The following TUSC3 variants were observed in gnomAD, a reference collection of about 807,000 sequenced individuals.
TUSC3 encodes dolichyl-diphosphooligosaccharide--protein glycosyltransferase subunit TUSC3.
TUSC3 carries 45 observed loss-of-function variants against 44.8 expected under a neutral mutation model. The observed-to-expected ratio is 1.00, with a 90% CI of 0.79 to 1.29. TUSC3 has a LOEUF of 1.29. Ranked by LOEUF, TUSC3 falls within the 50% of genes most tolerant of loss-of-function variation. The pLI, the probability that TUSC3 is intolerant of heterozygous loss-of-function variation, is 0.00. For synonymous variants in TUSC3, 212 were observed against 152.9 expected, an observed-to-expected ratio of 1.39 and a Z score of -2.85; for missense variants, 519 against 437.9, an observed-to-expected ratio of 1.19 and a Z score of -1.65.
chr8:15,517,986 A>C (rs1801244078), intron 2 of TUSC3, among the ~76,000 whole-genome samples: 2 of 151,104 alleles, frequency 1.3e-5, no homozygotes, highest in South Asian at 4.2e-4. Flanking sequence ...GAACAAACAA[A>C]AAAAAACCCC....
intron 2 of TUSC3, among the ~76,000 whole-genome samples, chr8:15,649,020 G>A (rs1806764182): frequency 6.6e-6 from 1 of 152,078 alleles, no homozygotes; most frequent in Non-Finnish European, 1.5e-5. Context: ...TCGTTAGCTT[G>A]CATTATATAT....
At chr8:15,473,368 G>C (rs367794726) in intron 1 of TUSC3, among the ~76,000 whole-genome samples, 17 of 152,168 alleles carry the variant, frequency 1.1e-4, no homozygotes, top group African/African-American at 3.4e-4. Flanking sequence ...CCCTGTCCTT[G>C]CTAGTAGAAT....
At chr8:15,633,156 T>A (rs988736384) in intron 2 of TUSC3, among the ~76,000 whole-genome samples, 12 of 152,192 alleles carry the variant, frequency 7.9e-5, no homozygotes, top group African/African-American at 2.7e-4. Flanking sequence ...TAGATACGTA[T>A]TATTGTAGCA....
At position 15,766,194 on chromosome 8, in the gene TUSC3, G is replaced by T. The variant is rs2129226378; in HGVS notation, c.*2038G>T. The T allele has an allele frequency of 6.6e-6, 1 of 151,954 alleles. No homozygotes were observed. Among genetic ancestry groups the T allele is most frequent in the South Asian group, 2.1e-4 (1 of 4,822 alleles). 9.4% of individuals were successfully genotyped at this position (151,954 alleles called of 1,614,324 possible). On this transcript the variant is annotated 3_prime_UTR_variant, in exon 11 of 11. Transcript: ENST00000503731. ...GAATTTCATGCTTTAAAAAGCTGTG[G>T]CTTCTCTATAGACAACTGTTACATT... is the stretch of plus-strand genomic sequence containing the variant.
chr8:15,666,653 T>G lies in TUSC3; in HGVS notation c.708+4357T>G, dbSNP rs139519338. Among the ~76,000 whole-genome samples the G allele has an allele frequency of 5.0e-3, 763 of 151,570 alleles. 19 individuals are homozygous for G. In the East Asian group the frequency reaches 0.075, roughly 15 times the overall value. On this transcript the variant is annotated intron_variant, in intron 5 of 10. Transcript: ENST00000503731. ...TTCATCCACATTTATTTGAATAAAA[T>G]TATATAACTTTTAGTATATACATAT...
At chr8:15,615,496 G>A (rs1460852407) in intron 1 of TUSC3, among the ~76,000 whole-genome samples, 1 of 152,188 alleles carries the variant, frequency 6.6e-6, no homozygotes, top group Non-Finnish European at 1.5e-5. Flanking sequence ...AGGATAGGAA[G>A]AGGTTATTTA....
At chr8:15,782,953 G>C in the TUSC3 span, among the ~76,000 whole-genome samples, 1 of 151,840 alleles carries the variant, frequency 6.6e-6, no homozygotes, top group East Asian at 1.9e-4. Flanking sequence ...AACATGATGT[G>C]ATAAAAAAAA....
intron 5 of TUSC3, among the ~76,000 whole-genome samples, chr8:15,668,816 A>C (rs754017817): frequency 7.9e-5 from 12 of 151,730 alleles, no homozygotes; most frequent in Non-Finnish European, 1.8e-4. Flanking sequence ...AGAACCATTT[A>C]TGATGCTGTA....
At chr8:15,447,516 A>G (rs1393942265) in intron 1 of TUSC3, among the ~76,000 whole-genome samples, 3 of 152,174 alleles carry the variant, frequency 2.0e-5, no homozygotes, top group Non-Finnish European at 4.4e-5. Flanking sequence ...CTAAATGGAA[A>G]CACTCAAAAC....
At chr8:15,522,201 G>A (rs1387188818) in intron 2 of TUSC3, among the ~76,000 whole-genome samples, 2 of 151,926 alleles carry the variant, frequency 1.3e-5, no homozygotes, top group Non-Finnish European at 2.9e-5. Context: ...TCATGGGTAA[G>A]TGCTAGTAAG....
intron 7 of TUSC3, among the ~76,000 whole-genome samples, chr8:15,738,883 AGTG>A (rs1811060558): frequency 8.4e-6 from 1 of 118,882 alleles, no homozygotes; most frequent in Non-Finnish European, 1.6e-5. Context: ...CCCAGGCTGG[AGTG>A]CAGTGGTGCA....
chr8:15,454,122 C>G (rs534902980), intron 1 of TUSC3, among the ~76,000 whole-genome samples: 1 of 152,122 alleles, frequency 6.6e-6, no homozygotes, highest in Non-Finnish European at 1.5e-5. Context: ...GTGGACAGCC[C>G]ACCCCAAGGG....
chr8:15,665,988 AT>A (rs1473133077), intron 5 of TUSC3, among the ~76,000 whole-genome samples: 1 of 151,486 alleles, frequency 6.6e-6, no homozygotes, highest in African/African-American at 2.4e-5. Flanking sequence ...AAGCATATAC[AT>A]TACTTGCTTT....
intron 2 of TUSC3, among the ~76,000 whole-genome samples, chr8:15,503,217 A>G (rs1194795952): frequency 3.9e-5 from 6 of 152,152 alleles, no homozygotes; most frequent in African/African-American, 1.4e-4. Flanking sequence ...AAATACATAC[A>G]GAGGAAAGAC....
At chr8:15,676,352 T>G in intron 6 of TUSC3, among the ~76,000 whole-genome samples, 1 of 152,172 alleles carries the variant, frequency 6.6e-6, no homozygotes, top group East Asian at 1.9e-4. Flanking sequence ...TTTAAGTTGC[T>G]TATAGATTCT....
chr8:15,429,309 G>C (rs545115933), intron 1 of TUSC3, among the ~76,000 whole-genome samples: 1 of 152,028 alleles, frequency 6.6e-6, no homozygotes, highest in South Asian at 2.1e-4. Context: ...TGAGGGCTCT[G>C]TTCTGTTCCA....
At chr8:15,650,849 A>G in intron 3 of TUSC3, 35 bp downstream of exon 3, 1 of 1,585,260 alleles carries the variant, frequency 6.3e-7, no homozygotes, top group South Asian at 1.1e-5. Flanking sequence ...TATTTAACAT[A>G]GTTGTTTGTG....
At chr8:15,492,259 C>G (rs1379936954) in intron 2 of TUSC3, among the ~76,000 whole-genome samples, 4 of 152,138 alleles carry the variant, frequency 2.6e-5, no homozygotes. Flanking sequence ...AGCACGAACT[C>G]AAGAAGAGCC....
intron 6 of TUSC3, among the ~76,000 whole-genome samples, chr8:15,679,359 T>G (rs1002047906): frequency 3.3e-5 from 5 of 152,188 alleles, no homozygotes; most frequent in Middle Eastern, 6.8e-3. Flanking sequence ...ATGATTAGTG[T>G]TGATGAGCAT....
Sources: allele counts gnomAD v4.1 joint callset (sites outside exome capture counted in the v4.1 genomes callset), GRCh38; gene constraint gnomAD v4.1.1; transcripts MANE v1.5; gene names NCBI Gene and HGNC (gene_info 2026-07-23, HGNC 2026-07-21).